Variants in ASRGL1 observed in about 807,000 individuals in gnomAD.
ASRGL1 encodes the protein asparaginase and isoaspartyl peptidase 1, also known as isoaspartyl peptidase/L-asparaginase.
Under a neutral mutation model 22.4 loss-of-function variants are expected in ASRGL1, and 16 were observed. The ratio of observed to expected loss-of-function variants is 0.71; its 90% CI spans 0.48 to 1.08. The LOEUF is 1.08. ASRGL1 is among the 50% of genes least tolerant of loss of function. ASRGL1 has a pLI of 0.00. For synonymous variants in ASRGL1, 165 were observed against 159.3 expected, an observed-to-expected ratio of 1.04 and a Z score of -0.27; for missense variants, 412 against 410.1, an observed-to-expected ratio of 1.00 and a Z score of -0.04.
intron 5 of ASRGL1, among the ~76,000 whole-genome samples, chr11:62,391,122 T>C (rs111479885): frequency 0.018 from 2,792 of 152,310 alleles, 91 homozygotes; most frequent in African/African-American, 0.063. Flanking sequence ...TTTCCCCAAA[T>C]CACTGGAACA....
rs982873806 is a variant in ASRGL1 at position 62,356,467 on chromosome 11, G to T, written c.333G>T (p.Lys111Asn). Reference sequence around the variant, plus strand: ...AACTTGCTCGGCTTGTCATGGAAAAGGTATATGTGACTAAAGCAGCCTTTT... The same window carrying T: ...AACTTGCTCGGCTTGTCATGGAAAATGTATATGTGACTAAAGCAGCCTTTT... ...PIKLARLVME[K>N]TPHCFLTDQG... Residue 111 changes from lysine (K) to asparagine (N), a missense_variant and splice_region_variant, in exon 3 of 7, where the codon AAG becomes AAT. Lys to Asn is a moderately conservative substitution (Grantham distance 94). Transcript: ENST00000415229. 1.5e-5 allele frequency: 25 copies of T among 1,613,996 alleles called. No homozygotes were observed. The East Asian group carries it at 5.6e-4, about 36-fold the overall frequency.
intron 4 of ASRGL1, among the ~76,000 whole-genome samples, chr11:62,381,135 C>T (rs1947056633): frequency 6.6e-6 from 1 of 151,986 alleles, no homozygotes; most frequent in Non-Finnish European, 1.5e-5. Context: ...TTTGGATTGG[C>T]GTTGCCATGA....
intron 2 of ASRGL1, chr11:62,338,437 C>CA (rs1945780901): frequency 2.5e-6 from 1 of 392,998 alleles, no homozygotes; most frequent in Admixed American, 4.2e-5. Context: ...TCTGGAGAGA[C>CA]ATAAGATGTC....
chr11:62,343,952 G>C (rs931517615), intron 2 of ASRGL1, among the ~76,000 whole-genome samples: 19 of 136,056 alleles, frequency 1.4e-4, no homozygotes, highest in Non-Finnish European at 2.6e-4. Flanking sequence ...TTTTGAGATG[G>C]AGTCTCACTC....
At chr11:62,389,284 C>T in intron 5 of ASRGL1, 33 bp downstream of exon 5, 1 of 1,563,106 alleles carries the variant, frequency 6.4e-7, no homozygotes, top group Non-Finnish European at 8.8e-7. Context: ...GCCCCTTCCC[C>T]TCTTCTCCCG....
intron 4 of ASRGL1, among the ~76,000 whole-genome samples, chr11:62,380,348 A>G (rs1947033838): frequency 6.6e-6 from 1 of 152,126 alleles, no homozygotes; most frequent in African/African-American, 2.4e-5. Flanking sequence ...TTGCCACAAA[A>G]TCAGGGTAGG....
intron 4 of ASRGL1, among the ~76,000 whole-genome samples, chr11:62,386,809 C>G (rs760462942): frequency 4.6e-4 from 70 of 152,082 alleles, no homozygotes; most frequent in Admixed American, 2.1e-3. Flanking sequence ...AATGAGAGTT[C>G]CACTTCCTGC....
chr11:62,350,885 T>C (rs1019656489), intron 2 of ASRGL1, among the ~76,000 whole-genome samples: 1 of 152,246 alleles, frequency 6.6e-6, no homozygotes, highest in African/African-American at 2.4e-5. Flanking sequence ...ATTACTGATA[T>C]GTTGAGATTT....
intron 4 of ASRGL1, among the ~76,000 whole-genome samples, chr11:62,365,122 G>C (rs770097101): frequency 6.6e-6 from 1 of 152,012 alleles, no homozygotes; most frequent in Non-Finnish European, 1.5e-5. Context: ...GAATGGAATG[G>C]TAGTTACCAG....
intron 4 of ASRGL1, among the ~76,000 whole-genome samples, chr11:62,360,322 C>T (rs1946403159): frequency 6.6e-6 from 1 of 151,574 alleles, no homozygotes; most frequent in Non-Finnish European, 1.5e-5. Flanking sequence ...GCCACCATGC[C>T]CGGCCAACTT....
rs1946252848 is a variant in ASRGL1 at position 62,355,223 on chromosome 11, A to G, written c.191-1102A>G. 2.1e-5 allele frequency among the ~76,000 whole-genome samples: 3 copies of G among 141,568 alleles called. No individual in the cohort carries two copies. The Admixed American group carries it at 2.1e-4, about 10-fold the overall frequency. 92.9% of individuals were successfully genotyped at this position (141,568 alleles called of 152,430 possible). A position where few individuals can be genotyped will look rare whatever the true frequency, so the allele number is the denominator to read the frequency against. On this transcript the variant is annotated intron_variant, in intron 2 of 6. Coordinates refer to ENST00000415229, the MANE Select transcript of ASRGL1 (RefSeq NM_001083926.2). ...GCCACCACACACAGCCTCCAAGTCAAGATTTCTCTCTTTTTTTTTTGAGAT... is the reference window on the plus strand; with the variant it reads ...GCCACCACACACAGCCTCCAAGTCAGGATTTCTCTCTTTTTTTTTTGAGAT...
intron 2 of ASRGL1, among the ~76,000 whole-genome samples, chr11:62,350,798 A>C (rs1055097969): frequency 2.0e-5 from 3 of 152,212 alleles, no homozygotes; most frequent in African/African-American, 7.2e-5. Flanking sequence ...TCTGTCTCAA[A>C]AAAGAAAAAT....
the ASRGL1 span, among the ~76,000 whole-genome samples, chr11:62,400,884 G>A: frequency 3.3e-5 from 5 of 152,142 alleles, no homozygotes; most frequent in Non-Finnish European, 5.9e-5. Flanking sequence ...AGAGACGGCC[G>A]CACAATGAAA....
At chr11:62,359,263 A>G (rs1325121518) in intron 4 of ASRGL1, among the ~76,000 whole-genome samples, 2 of 152,172 alleles carry the variant, frequency 1.3e-5, no homozygotes, top group Non-Finnish European at 2.9e-5. Context: ...CCTGACTAAC[A>G]TGGTGAGCCC....
intron 4 of ASRGL1, among the ~76,000 whole-genome samples, chr11:62,387,896 C>A (rs190868087): frequency 2.0e-5 from 3 of 152,100 alleles, no homozygotes; most frequent in African/African-American, 7.2e-5. Flanking sequence ...CTGGGGTGTT[C>A]GTGTACAATT....
intron 4 of ASRGL1, among the ~76,000 whole-genome samples, chr11:62,358,288 T>C (rs1323694867): frequency 1.3e-5 from 2 of 148,794 alleles, no homozygotes; most frequent in African/African-American, 5.0e-5. Context: ...GAGAATCGCT[T>C]GAACCCGGGA....
At chr11:62,384,079 C>T (rs1242219091) in intron 4 of ASRGL1, among the ~76,000 whole-genome samples, 1 of 151,344 alleles carries the variant, frequency 6.6e-6, no homozygotes, top group East Asian at 1.9e-4. Flanking sequence ...CATCACCAGC[C>T]GATTAACAAA....
chr11:62,362,567 TAATATATATTATATAAAA>T (rs1565162071), intron 4 of ASRGL1, among the ~76,000 whole-genome samples: 13 of 14,128 alleles, frequency 9.2e-4, no homozygotes, highest in African/African-American at 4.4e-3. Context: ...ATTATTTATA[TAATATATATTATATAAAA>T]TATATAATAT....
At chr11:62,347,683 C>T (rs1347496903) in intron 2 of ASRGL1, among the ~76,000 whole-genome samples, 4 of 151,572 alleles carry the variant, frequency 2.6e-5, no homozygotes, top group Non-Finnish European at 2.9e-5. Flanking sequence ...GGCTCATGCC[C>T]GTAATCTCAG....
Sources: allele counts gnomAD v4.1 joint callset (sites outside exome capture counted in the v4.1 genomes callset), GRCh38; gene constraint gnomAD v4.1.1; transcripts MANE v1.5; gene names NCBI Gene and HGNC (gene_info 2026-07-23, HGNC 2026-07-21).